The following VARS1 variants were observed in gnomAD, a reference collection of about 807,000 sequenced individuals.
The protein encoded by VARS1 is valyl-tRNA synthetase 1.
Under a neutral mutation model 161.0 loss-of-function variants are expected in VARS1, and 92 were observed. That is an observed-to-expected ratio of 0.57 (90% CI 0.48 to 0.68). The LOEUF is 0.68. Among genes scored for constraint, VARS1 ranks in the 30% least tolerant of loss-of-function variants. The probability of loss-of-function intolerance (pLI) is 0.00; values close to 1 mark genes in which losing one functional copy is unlikely to be tolerated. For synonymous variants in VARS1, 595 were observed against 682.5 expected, an observed-to-expected ratio of 0.87 and a Z score of 2.00; for missense variants, 1,338 against 1,695.9, an observed-to-expected ratio of 0.79 and a Z score of 3.71.
At chr6:31,783,660 T>G (rs1477957636) in intron 13 of VARS1, among the ~76,000 whole-genome samples, 2 of 108,942 alleles carry the variant, frequency 1.8e-5, no homozygotes, top group African/African-American at 8.0e-5. Flanking sequence ...TTGTCTCTAT[T>G]TAACTTTTTT....
rs767516162 is a variant in VARS1, at chr6:31,779,016, C to G, written c.3677G>C (p.Gly1226Ala). 6.2e-7 allele frequency: 1 copy of G among 1,613,024 alleles called. No homozygotes were observed. The highest frequency in any genetic ancestry group is 8.5e-7 in the Non-Finnish European group (1 of 1,180,034). The part of the protein sequence containing the change: ...QRLRERRAAS[G>A]YPVKVPLEVQ... ...TTCGAGCGGCACCTTGACAGGATAG[C>G]CCGAGGCAGCACGGCGTTCCCGCAG... The change falls in exon 29 of 30, where the codon GGC becomes GCC. Residue 1226 changes from glycine to alanine, a missense_variant. This residue lies in a region of VARS1 where 433 missense variants were observed against 586.2 expected (regional missense o/e 0.74). Coordinates refer to ENST00000375663, the MANE Select transcript of VARS1 (RefSeq NM_006295.3). This position sits in a 1 kb window ranked among gnomAD's most constrained non-coding sequence, Gnocchi z 9.1.
intron 2 of VARS1, 89 bp from the exon 3 acceptor site, chr6:31,793,209 A>G: frequency 6.8e-7 from 1 of 1,470,558 alleles, no homozygotes. Flanking sequence ...CCTCCACCCC[A>G]CTCTCACAAA....
At chr6:31,792,030 G>A (rs561537405) in intron 6 of VARS1, 59 bp from the exon 7 acceptor site, 16 of 1,498,164 alleles carry the variant, frequency 1.1e-5, no homozygotes, top group Non-Finnish European at 1.3e-5. Flanking sequence ...GGAAGGAGAC[G>A]TGCTGGCAGA....
In VARS1 at chr6:31,779,144, A is replaced by G; in HGVS notation, c.3549T>C (p.Asp1183=). The G allele has an allele frequency of 1.2e-6, 2 of 1,605,838 alleles. No homozygotes were observed. Among genetic ancestry groups the G allele is most frequent in the Non-Finnish European group, 1.7e-6 (2 of 1,176,564 alleles). ...GAAGCTGCAGGTGGATGGAGCAGCG[A>G]TCAGAAGCCAGAGCCACAGCGCAAC... ...PQGCAVALAS[D]RCSIHLQLQG... The change falls in exon 29 of 30, where the codon GAT becomes GAC. Residue 1183 remains aspartate (D), a synonymous_variant. Coordinates refer to ENST00000375663, the MANE Select transcript of VARS1 (RefSeq NM_006295.3). The surrounding 1 kb of genome is among the most constrained non-coding windows in gnomAD (Gnocchi z 9.1).
intron 2 of VARS1, among the ~76,000 whole-genome samples, chr6:31,793,454 C>T (rs955975203): frequency 4.6e-5 from 7 of 151,414 alleles, no homozygotes; most frequent in South Asian, 2.1e-4. Flanking sequence ...TGCAGTGAGC[C>T]GAGATCACGC....
At position 31,784,866 on chromosome 6, in the gene VARS1, G is replaced by C. The variant is rs909560541; in HGVS notation, c.1348-152C>G. On this transcript the variant is annotated intron_variant, in intron 10 of 29. Coordinates refer to ENST00000375663, the MANE Select transcript of VARS1 (RefSeq NM_006295.3). The surrounding 1 kb of genome is among the most constrained non-coding windows in gnomAD (Gnocchi z 6.1). ...GGGAGTACTTTCCTTCTTTCCTTGA[G>C]GGGGAGAGAGGACTAAGGGAACACA... 16 of 1,157,204 alleles carry C rather than the reference G, an allele frequency of 1.4e-5. No homozygotes were observed. Among genetic ancestry groups the C allele is most frequent in the South Asian group, 7.7e-5 (5 of 64,920 alleles). 71.7% of individuals were successfully genotyped at this position (1,157,204 alleles called of 1,614,324 possible).
rs535534249 is a variant in VARS1, at chr6:31,782,466, A to G, written c.1992-23T>C. On this transcript the variant is annotated intron_variant, in intron 16 of 29. Coordinates refer to ENST00000375663, the MANE Select transcript of VARS1 (RefSeq NM_006295.3). The surrounding 1 kb of genome is among the most constrained non-coding windows in gnomAD (Gnocchi z 8.3). ...CGGCTGGGGGTACACGTAGGTGAGA[A>G]GGCCAGGCGGTAAAACCCTGAGGAG... 186 of 1,612,058 alleles carry G rather than the reference A, an allele frequency of 1.2e-4. No homozygotes were observed. Among genetic ancestry groups the G allele is most frequent in the Non-Finnish European group, 1.5e-4 (176 of 1,179,436 alleles).
chr6:31,792,138 T>G, intron 6 of VARS1, 79 bp downstream of exon 6: 1 of 1,557,202 alleles, frequency 6.4e-7, no homozygotes, highest in Non-Finnish European at 8.8e-7. Flanking sequence ...AACAAAGTGG[T>G]GAGAGCAAGA....
chr6:31,792,860 A>G lies in VARS1; in HGVS notation c.558T>C (p.Asn186=), dbSNP rs1813979697. The stretch of plus-strand genomic sequence containing the variant: ...CACACGTGACAAACCAGCGAGTCAC[A>G]TTATTCCAGATCCGGCGGGCAGGTG... ...LDPPARRIWN[N]VTRWFVTCVR... is the part of the protein sequence containing the mutation. The change falls in exon 4 of 30, where the codon AAT becomes AAC. Residue 186 remains asparagine (N), a synonymous_variant. Coordinates refer to ENST00000375663, the MANE Select transcript of VARS1 (RefSeq NM_006295.3). 3.7e-6 allele frequency: 6 copies of G among 1,614,182 alleles called. No individual in the cohort carries two copies. The highest frequency in any genetic ancestry group is 1.3e-5 in the African/African-American group (1 of 75,054).
In VARS1 at chr6:31,795,368, A is replaced by G; in HGVS notation, c.-33-118T>C. 1 of 658,906 alleles carries G rather than the reference A, an allele frequency of 1.5e-6. No homozygotes were observed. Among genetic ancestry groups the G allele is most frequent in the Non-Finnish European group, 2.2e-6 (1 of 460,402 alleles). 40.8% of individuals were successfully genotyped at this position (658,906 alleles called of 1,614,324 possible). A position where few individuals can be genotyped will look rare whatever the true frequency, so the allele number is the denominator to read the frequency against. On this transcript the variant is annotated intron_variant, in intron 1 of 29. Coordinates refer to ENST00000375663, the MANE Select transcript of VARS1 (RefSeq NM_006295.3). This position sits in a 1 kb window ranked among gnomAD's most constrained non-coding sequence, Gnocchi z 6.9. ...CAGACACCCGAGTCCCATAGGACTGAGGGTCTGACCAGGCAGGCTGTCAGG... is the reference window on the plus strand; with the variant it reads ...CAGACACCCGAGTCCCATAGGACTGGGGGTCTGACCAGGCAGGCTGTCAGG...
chr6:31,793,061 G>A lies in VARS1; in HGVS notation c.447C>T (p.His149=), dbSNP rs773749289. 24 of 1,612,856 alleles carry A rather than the reference G, an allele frequency of 1.5e-5. No individual in the cohort carries two copies. The highest frequency in any genetic ancestry group is 2.0e-5 in the Non-Finnish European group (24 of 1,180,012). ...TGGGGGCCTCCCCGGCCAAGTAGGT[G>A]TGCAGCCGAAGCCACTCCTCCAAGG... ...LSPLEEWLRL[H]TYLAGEAPTL... is the part of the protein sequence containing the mutation. Residue 149 remains histidine (H), a synonymous_variant, in exon 3 of 30, where the codon CAC becomes CAT. Transcript: ENST00000375663.
chr6:31,778,681 T>G lies in VARS1; in HGVS notation c.3726+286A>C. The G allele has an allele frequency of 2.0e-6, 1 of 509,962 alleles. No individual in the cohort carries two copies. The highest frequency in any genetic ancestry group is 3.5e-6 in the Non-Finnish European group (1 of 287,380). 31.6% of individuals were successfully genotyped at this position (509,962 alleles called of 1,614,324 possible). ...TGTGCCACTATGGCCAGCTAATTTT[T>G]GTATTTTTGTTGTAGAGATGGGATT... On this transcript the variant is annotated intron_variant, in intron 29 of 29. Transcript: ENST00000375663. The surrounding 1 kb of genome is among the most constrained non-coding windows in gnomAD (Gnocchi z 5.1).
Position 31,785,129 on chromosome 6 carries a change from T to C in VARS1, c.1347+117A>G. On this transcript the variant is annotated intron_variant, in intron 10 of 29. Transcript: ENST00000375663. This position sits in a 1 kb window ranked among gnomAD's most constrained non-coding sequence, Gnocchi z 6.1. ...GCATTTGCAGCTGAGCCCTCCATGG[T>C]GTTTTACATGGGCCAGCTCCTGAGA... The C allele has an allele frequency of 1.7e-6, 2 of 1,201,046 alleles. No individual in the cohort carries two copies. The highest frequency in any genetic ancestry group is 2.0e-5 in the Admixed American group (1 of 49,984). The allele number at this position is 1,201,046 out of a possible 1,614,324, so 74.4% of individuals were successfully genotyped here.
At position 31,780,896 on chromosome 6, in the gene VARS1, C is replaced by T. The variant is rs772570606; in HGVS notation, c.2692G>A (p.Glu898Lys). 7 of 1,614,164 alleles carry T rather than the reference C, an allele frequency of 4.3e-6. No homozygotes were observed. The Admixed American group carries it at 5.0e-5, about 12-fold the overall frequency. Reference protein sequence around the residue: ...QLLNSNLDPSEVEKAKEGQKA... With the variant: ...QLLNSNLDPSKVEKAKEGQKA... ...TGCCCTTCTTTGGCCTTCTCCACCT[C>T]GCTGGGATCCAGGTTGCTGTTCAGC... is the stretch of plus-strand genomic sequence containing the variant. The change falls in exon 23 of 30, where the codon GAG (glutamate) becomes AAG (lysine). Residue 898 changes from glutamate (E) to lysine (K), a missense_variant. Glu to Lys is a moderately conservative substitution (Grantham distance 56, BLOSUM62 1). Around this residue, in one of 3 missense-constraint regions of VARS1, gnomAD observed 433 missense variants for 586.2 expected, o/e 0.74. Transcript: ENST00000375663. This position sits in a 1 kb window ranked among gnomAD's most constrained non-coding sequence, Gnocchi z 5.1.
At chr6:31,788,268 G>A (rs1371530910) in intron 8 of VARS1, among the ~76,000 whole-genome samples, 2 of 152,088 alleles carry the variant, frequency 1.3e-5, no homozygotes, top group Non-Finnish European at 2.9e-5. Flanking sequence ...TTGGGAGACC[G>A]AAGCGGGAGG....
rs150385182 is a variant in VARS1 at position 31,792,839 on chromosome 6, C to T, written c.579G>A (p.Thr193=). The change falls in exon 4 of 30, where the codon ACG becomes ACA. Residue 193 remains threonine, a synonymous_variant. Coordinates refer to ENST00000375663, the MANE Select transcript of VARS1 (RefSeq NM_006295.3). The part of the protein sequence containing the change: ...IWNNVTRWFV[T]CVRQPEFRAV... The stretch of plus-strand genomic sequence containing the variant: ...CTCGGAATTCTGGCTGCCGGACACA[C>T]GTGACAAACCAGCGAGTCACATTAT... The T allele has an allele frequency of 7.0e-4, 1,134 of 1,614,170 alleles. 7 individuals are homozygous for T. The African/African-American group carries it at 8.8e-3, about 12-fold the overall frequency.
In VARS1 at chr6:31,783,864, T is replaced by C. The variant is rs185813579; in HGVS notation, c.1671+350A>G. ...TTTTAGTAGAGATGGGGTTTCACTA[T>C]GTTGGCCAGGCTAGTCTCGAACTCG... On this transcript the variant is annotated intron_variant, in intron 13 of 29. Transcript: ENST00000375663. Among the ~76,000 whole-genome samples the C allele has an allele frequency of 8.3e-4, 127 of 152,272 alleles. 2 individuals are homozygous for C. The East Asian group carries it at 0.023, about 28-fold the overall frequency.
rs746462325 is a variant in VARS1 at position 31,781,055 on chromosome 6, G to C, written c.2613C>G (p.Ile871Met). The C allele has an allele frequency of 6.2e-7, 1 of 1,613,744 alleles. No individual in the cohort carries two copies. Among genetic ancestry groups the C allele is most frequent in the Non-Finnish European group, 8.5e-7 (1 of 1,180,040 alleles). Residue 871 changes from isoleucine (I) to methionine (M), a missense_variant, in exon 22 of 30, where the codon ATC (isoleucine) becomes ATG (methionine). By Grantham distance (10) the Ile-to-Met change is conservative (BLOSUM62 1). This residue lies in a region of VARS1 where 433 missense variants were observed against 586.2 expected (regional missense o/e 0.74). Coordinates refer to ENST00000375663, the MANE Select transcript of VARS1 (RefSeq NM_006295.3). The surrounding 1 kb of genome is among the most constrained non-coding windows in gnomAD (Gnocchi z 6.8). ...TTCCATAGATGACGTCCAGGGGATC[G>C]ATGACATTGCCTAGAGACTTGCTCA... ...RKMSKSLGNV[I>M]DPLDVIYGIS...
chr6:31,781,207 A>G lies in VARS1; in HGVS notation c.2545-84T>C. On this transcript the variant is annotated intron_variant, in intron 21 of 29. Transcript: ENST00000375663. The surrounding 1 kb of genome is among the most constrained non-coding windows in gnomAD (Gnocchi z 6.8). ...CCCCGACCAGGACTGTGTCTGGTCT[A>G]CCCCACTGTGAACCTCAGGTCCCAC... 1 of 1,479,068 alleles carries G rather than the reference A, an allele frequency of 6.8e-7. No individual in the cohort carries two copies. Among genetic ancestry groups the G allele is most frequent in the Non-Finnish European group, 9.3e-7 (1 of 1,074,342 alleles). The allele number at this position is 1,479,068 out of a possible 1,614,324, so 91.6% of individuals were successfully genotyped here.
Sources: gnomAD v4.1 joint callset for allele counts (sites outside exome capture counted in the v4.1 genomes callset) on GRCh38, gnomAD v4.1.1 for gene constraint, gnomAD v4.1.1 regional missense constraint, Gnocchi (gnomAD v3.1) non-coding constraint, MANE v1.5 for transcripts, NCBI Gene and HGNC (gene_info 2026-07-23, HGNC 2026-07-21) for gene names.